ANKRA2: variants seen among roughly 807,000 people sequenced by gnomAD.
ANKRA2 encodes ankyrin repeat family A member 2.
In ANKRA2, 33 loss-of-function variants were observed where a neutral mutation model predicts 37.8. The observed-to-expected ratio is 0.87, with a 90% CI of 0.66 to 1.17. The LOEUF is 1.17. ANKRA2 is among the 50% of genes most tolerant of loss of function. The probability of loss-of-function intolerance (pLI) is 0.00; values close to 1 mark genes in which losing one functional copy is unlikely to be tolerated. For missense variants in ANKRA2, 326 were observed against 373.7 expected (o/e 0.87, Z 1.05); for synonymous variants, 126 against 132.3 (o/e 0.95, Z 0.33).
At chr5:73,559,479 T>A (rs1282582725) in intron 3 of ANKRA2, among the ~76,000 whole-genome samples, 1 of 152,200 alleles carries the variant, frequency 6.6e-6, no homozygotes, top group Non-Finnish European at 1.5e-5. Flanking sequence ...TTCATATTCA[T>A]ATTATATTCA....
intron 2 of ANKRA2, chr5:73,562,378 A>C: frequency 2.3e-6 from 1 of 437,328 alleles, no homozygotes; most frequent in Non-Finnish European, 4.0e-6. Flanking sequence ...AATATTAAAC[A>C]AGAAGTTTTT....
At chr5:73,557,548 T>C in intron 4 of ANKRA2, 27 bp downstream of exon 4, 1 of 1,482,952 alleles carries the variant, frequency 6.7e-7, no homozygotes, top group Non-Finnish European at 9.2e-7. Flanking sequence ...ATTGAATTTG[T>C]TTAAATATTT....
Position 73,553,479 on chromosome 5 carries a change from C to A in ANKRA2, c.813G>T (p.Gly271=), listed in dbSNP as rs757258604. Residue 271 remains glycine (G), a synonymous_variant, in exon 8 of 9, where the codon GGG becomes GGT. Coordinates refer to ENST00000296785, the MANE Select transcript of ANKRA2 (RefSeq NM_023039.5). ...VKCVKMLLES[G]ADPTIETDSG... Reference sequence around the variant, plus strand: ...AGTCAGTTTCAATTGTTGGATCAGCCCCACTTTCTATACCAAAATAGAAAA... The same window carrying A: ...AGTCAGTTTCAATTGTTGGATCAGCACCACTTTCTATACCAAAATAGAAAA... 1 of 1,612,188 alleles carries A rather than the reference C, an allele frequency of 6.2e-7. No homozygotes were observed. The highest frequency in any genetic ancestry group is 8.5e-7 in the Non-Finnish European group (1 of 1,178,704).
At chr5:73,557,511 A>C (rs1319201229) in intron 4 of ANKRA2, 64 bp downstream of exon 4, 9 of 1,212,012 alleles carry the variant, frequency 7.4e-6, no homozygotes, top group Non-Finnish European at 9.0e-6. Flanking sequence ...ATATTAAAAT[A>C]AAACAATAAC....
In ANKRA2 at chr5:73,565,388, C is replaced by A. The variant is rs1219068709; in HGVS notation, c.-361G>T. On this transcript the variant is annotated 5_prime_UTR_variant, in exon 1 of 9. Coordinates refer to ENST00000296785, the MANE Select transcript of ANKRA2 (RefSeq NM_023039.5). The stretch of plus-strand genomic sequence containing the variant: ...GGGCCTTCCCATCTGAGGCCAGCTT[C>A]AGTACAGGCCTCCAAGCCCGGGCTT... The A allele has an allele frequency of 2.3e-5, 4 of 176,876 alleles. No individual in the cohort carries two copies. The highest frequency in any genetic ancestry group is 9.6e-5 in the South Asian group (1 of 10,404). The allele number at this position is 176,876 out of a possible 1,614,324, so 11.0% of individuals were successfully genotyped here. A position where few individuals can be genotyped will look rare whatever the true frequency, so the allele number is the denominator to read the frequency against.
At chr5:73,558,776 G>A (rs988054809) in intron 3 of ANKRA2, among the ~76,000 whole-genome samples, 17 of 152,022 alleles carry the variant, frequency 1.1e-4, no homozygotes, top group South Asian at 2.1e-4. Flanking sequence ...CAAGTGATCC[G>A]CCAGCCTCAG....
chr5:73,563,010 A>G, intron 1 of ANKRA2, 25 bp from the exon 2 acceptor site: 1 of 841,850 alleles, frequency 1.2e-6, no homozygotes, highest in Non-Finnish European at 1.8e-6. Flanking sequence ...TAGAAAATTA[A>G]AAGTATTCTA....
In ANKRA2 at chr5:73,561,288, G is replaced by A. The variant is rs1258811189; in HGVS notation, c.290C>T (p.Ala97Val). 1 of 1,611,490 alleles carries A rather than the reference G, an allele frequency of 6.2e-7. No homozygotes were observed. The highest frequency in any genetic ancestry group is 1.3e-5 in the African/African-American group (1 of 74,810). Reference sequence around the variant, plus strand: ...AGGAGATGTATGGATATTGCATTCAGCTAAGTGAAAAACAAATGTAAACAC... The same window carrying A: ...AGGAGATGTATGGATATTGCATTCAACTAAGTGAAAAACAAATGTAAACAC... ...DLEVASVLFKAECNIHTSPSP... is the reference protein window; with the variant it reads ...DLEVASVLFKVECNIHTSPSP... The change falls in exon 3 of 9, where the codon GCT becomes GTT. Residue 97 changes from alanine (A) to valine (V), a missense_variant and splice_region_variant. Coordinates refer to ENST00000296785, the MANE Select transcript of ANKRA2 (RefSeq NM_023039.5).
At chr5:73,564,710 A>T (rs920338811) in intron 1 of ANKRA2, among the ~76,000 whole-genome samples, 2 of 152,214 alleles carry the variant, frequency 1.3e-5, no homozygotes, top group African/African-American at 4.8e-5. Context: ...CTTCCATGTT[A>T]CAAATCAGGG....
intron 4 of ANKRA2, among the ~76,000 whole-genome samples, chr5:73,556,524 A>G (rs1261751284): frequency 6.6e-6 from 1 of 152,224 alleles, no homozygotes; most frequent in Non-Finnish European, 1.5e-5. Context: ...GAAAGCCCAG[A>G]AGTTCTAGAA....
intron 2 of ANKRA2, 151 bp from the exon 3 acceptor site, chr5:73,561,439 T>A (rs1246665627): frequency 1.3e-6 from 1 of 766,070 alleles, no homozygotes; most frequent in Non-Finnish European, 2.0e-6. Context: ...TTAAAGTCCA[T>A]ACTTCCTTGT....
chr5:73,554,423 G>A (rs757172160), intron 6 of ANKRA2, 35 bp from the exon 7 acceptor site: 29 of 1,461,650 alleles, frequency 2.0e-5, no homozygotes, highest in East Asian at 6.8e-5. Context: ...AGTTTTTCAC[G>A]GTGAGCAAGA....
intron 3 of ANKRA2, among the ~76,000 whole-genome samples, chr5:73,560,156 G>A (rs562802816): frequency 7.6e-4 from 116 of 152,190 alleles, no homozygotes; most frequent in African/African-American, 2.7e-3. Context: ...AAAAAGTTAC[G>A]TATAATGCAT....
Position 73,552,269 on chromosome 5 carries a change from G to A in ANKRA2, c.*528C>T, listed in dbSNP as rs1265324899. 1 of 152,420 alleles carries A rather than the reference G, an allele frequency of 6.6e-6. No homozygotes were observed. Among genetic ancestry groups the A allele is most frequent in the African/African-American group, 2.4e-5 (1 of 41,336 alleles). 9.4% of individuals were successfully genotyped at this position (152,420 alleles called of 1,614,324 possible). ...ATGAAGTGTTACGGCAGGACAGAAG[G>A]GTGAAATTAAAAATCTGAAAGAAAT... On this transcript the variant is annotated 3_prime_UTR_variant, in exon 9 of 9. Transcript: ENST00000296785.
chr5:73,559,962 T>C (rs1482122002), intron 3 of ANKRA2, among the ~76,000 whole-genome samples: 1 of 152,048 alleles, frequency 6.6e-6, no homozygotes, highest in East Asian at 1.9e-4. Context: ...TGGGATCTTG[T>C]TATGTTGCTC....
chr5:73,562,570 A>T, intron 2 of ANKRA2, 23 bp downstream of exon 2: 1 of 1,550,088 alleles, frequency 6.5e-7, no homozygotes. Context: ...ACAAATGCAG[A>T]TATTTATACC....
chr5:73,556,535 T>A (rs1004064512), intron 4 of ANKRA2, among the ~76,000 whole-genome samples: 26 of 152,190 alleles, frequency 1.7e-4, no homozygotes, highest in African/African-American at 6.3e-4. Context: ...AGTTCTAGAA[T>A]AAGGAATGAG....
chr5:73,552,812 T>C lies in ANKRA2; in HGVS notation c.927A>G (p.Gln309=), dbSNP rs760386553. The C allele has an allele frequency of 2.5e-6, 4 of 1,606,972 alleles. No homozygotes were observed. The highest frequency in any genetic ancestry group is 2.2e-5 in the South Asian group (2 of 90,578). The change falls in exon 9 of 9, where the codon CAA becomes CAG. Residue 309 remains glutamine (Q), a synonymous_variant. Transcript: ENST00000296785. ...VIESHLLKLL[Q]NIKE ...ATGACTGTGTCTACTCCTTGATATT[T>C]TGAAGCAGCTTCAACAAATGTGACT...
Position 73,561,308 on chromosome 5 carries a change from A to G in ANKRA2, c.290-20T>C, listed in dbSNP as rs370607149. The G allele has an allele frequency of 3.1e-6, 5 of 1,601,920 alleles. No individual in the cohort carries two copies. In the African/African-American group the frequency reaches 5.4e-5, roughly 17 times the overall value. On this transcript the variant is annotated intron_variant, in intron 2 of 8. Coordinates refer to ENST00000296785, the MANE Select transcript of ANKRA2 (RefSeq NM_023039.5). Reference sequence around the variant, plus strand: ...ATTCAGCTAAGTGAAAAACAAATGTAAACACATTAAAAGCATTTCAGTAAG... The same window carrying G: ...ATTCAGCTAAGTGAAAAACAAATGTGAACACATTAAAAGCATTTCAGTAAG...
Sources: allele counts gnomAD v4.1 joint callset (sites outside exome capture counted in the v4.1 genomes callset), GRCh38; gene constraint gnomAD v4.1.1; transcripts MANE v1.5; gene names NCBI Gene and HGNC (gene_info 2026-07-23, HGNC 2026-07-21).